The following TCEANC2 variants were observed in gnomAD, a reference collection of about 807,000 sequenced individuals.
TCEANC2 encodes transcription elongation factor A N-terminal and central domain-containing protein 2.
Under a neutral mutation model 22.8 loss-of-function variants are expected in TCEANC2, and 20 were observed. The observed-to-expected ratio is 0.88, with a 90% confidence interval of 0.62 to 1.28. The LOEUF (loss-of-function observed/expected upper bound fraction) is 1.28. TCEANC2 is among the 50% of genes most tolerant of loss of function. TCEANC2 has a pLI of 0.00. For synonymous variants in TCEANC2, 84 were observed against 95.5 expected, an observed-to-expected ratio of 0.88 and a Z score of 0.70; for missense variants, 251 against 249.7, an observed-to-expected ratio of 1.01 and a Z score of -0.03.
rs1216703226 is a variant in TCEANC2, at chr1:54,088,625, C to G, written c.273C>G (p.His91Gln). 6.2e-7 allele frequency: 1 copy of G among 1,604,346 alleles called. No individual in the cohort carries two copies. The highest frequency in any genetic ancestry group is 8.5e-7 in the Non-Finnish European group (1 of 1,177,368). Residue 91 changes from histidine to glutamine, a missense_variant, in exon 4 of 5, where the codon CAC becomes CAG. Physicochemically the swap from His to Gln is conservative, Grantham distance 24. Coordinates refer to ENST00000234827, the MANE Select transcript of TCEANC2 (RefSeq NM_153035.3). The part of the protein sequence containing the change: ...IGHTVNKMRK[H>Q]SDSEVASLAR... The stretch of plus-strand genomic sequence containing the variant: ...ACACTGTGAACAAGATGCGTAAACA[C>G]TCAGATTCAGAAGTGGCTTCTCTTG...
At chr1:54,075,085 T>C (rs1460654549) in intron 3 of TCEANC2, among the ~76,000 whole-genome samples, 1 of 152,234 alleles carries the variant, frequency 6.6e-6, no homozygotes, top group Non-Finnish European at 1.5e-5. Context: ...TCATTTGATC[T>C]GTGTTTTATA....
intron 4 of TCEANC2, among the ~76,000 whole-genome samples, chr1:54,093,493 A>G (rs1368113513): frequency 6.6e-6 from 1 of 152,164 alleles, no homozygotes; most frequent in Non-Finnish European, 1.5e-5. Context: ...TCTTCATTTA[A>G]CAAGAGGCAT....
chr1:54,084,084 C>T (rs891629790), intron 3 of TCEANC2, among the ~76,000 whole-genome samples: 3 of 151,672 alleles, frequency 2.0e-5, no homozygotes, highest in African/African-American at 7.3e-5. Context: ...GTGATCTTGG[C>T]TCACTGCAAC....
At chr1:54,088,305 A>AT (rs944591346) in intron 3 of TCEANC2, among the ~76,000 whole-genome samples, 11 of 151,920 alleles carry the variant, frequency 7.2e-5, no homozygotes, top group Admixed American at 4.6e-4. Flanking sequence ...TGCTTAATTC[A>AT]TTTTTTTTAA....
intron 2 of TCEANC2, among the ~76,000 whole-genome samples, chr1:54,061,527 T>A (rs573311325): frequency 1.1e-4 from 17 of 152,318 alleles, no homozygotes; most frequent in Admixed American, 3.3e-4. Context: ...ATTTTTATGG[T>A]CCAGGCATTG....
rs1190699853 is a variant in TCEANC2, at chr1:54,102,138, C to T, written c.*5665C>T. On this transcript the variant is annotated 3_prime_UTR_variant, in exon 5 of 5. Coordinates refer to ENST00000234827, the MANE Select transcript of TCEANC2 (RefSeq NM_153035.3). ...CCCACACCTAGGAATATGCTCCATC[C>T]ATGTACCGGATGACACAGAAAGTTG... 1 of 152,204 alleles carries T rather than the reference C, an allele frequency of 6.6e-6. No individual in the cohort carries two copies. The highest frequency in any genetic ancestry group is 1.5e-5 in the Non-Finnish European group (1 of 68,052). The allele number at this position is 152,204 out of a possible 1,614,324, so 9.4% of individuals were successfully genotyped here.
intron 3 of TCEANC2, among the ~76,000 whole-genome samples, chr1:54,084,367 A>G (rs1658299413): frequency 6.6e-6 from 1 of 152,182 alleles, no homozygotes; most frequent in South Asian, 2.1e-4. Flanking sequence ...ACTATAATTT[A>G]TTTAAAAAAC....
chr1:54,064,040 T>A (rs999429916), intron 2 of TCEANC2, among the ~76,000 whole-genome samples: 18 of 152,252 alleles, frequency 1.2e-4, no homozygotes. Flanking sequence ...AAGGCAAATG[T>A]GAGATTTCTC....
chr1:54,091,461 T>A (rs1658445634), intron 4 of TCEANC2, among the ~76,000 whole-genome samples: 2 of 152,202 alleles, frequency 1.3e-5, no homozygotes, highest in African/African-American at 4.8e-5. Flanking sequence ...GCCTCTACAA[T>A]TTGATCCTAG....
In TCEANC2 at chr1:54,104,587, G is replaced by T. The variant is rs1292064513; in HGVS notation, c.*8114G>T. The T allele has an allele frequency of 2.2e-6, 1 of 454,458 alleles. No homozygotes were observed. The highest frequency in any genetic ancestry group is 4.4e-6 in the Non-Finnish European group (1 of 225,722). 28.2% of individuals were successfully genotyped at this position (454,458 alleles called of 1,614,324 possible). On this transcript the variant is annotated 3_prime_UTR_variant, in exon 5 of 5. Coordinates refer to ENST00000234827, the MANE Select transcript of TCEANC2 (RefSeq NM_153035.3). Reference sequence around the variant, plus strand: ...CAGAGGTGGAGTCTCTGTCACCCAGGCTGGAGTGCAGTGGCACCATCTCGG... The same window carrying T: ...CAGAGGTGGAGTCTCTGTCACCCAGTCTGGAGTGCAGTGGCACCATCTCGG...
chr1:54,056,150 T>G (rs1657748130), intron 2 of TCEANC2, among the ~76,000 whole-genome samples: 1 of 152,204 alleles, frequency 6.6e-6, no homozygotes. Flanking sequence ...GGTTTTCAAC[T>G]GTCTCTACCT....
rs571012352 is a variant in TCEANC2, at chr1:54,098,601, A to C, written c.*2128A>C. ...TCCCCACTCCCAGAATGTAAGCTTC[A>C]TGAAAGCAGAGTCTCTGTTCTGTTC... On this transcript the variant is annotated 3_prime_UTR_variant, in exon 5 of 5. Coordinates refer to ENST00000234827, the MANE Select transcript of TCEANC2 (RefSeq NM_153035.3). 2.0e-5 allele frequency: 3 copies of C among 152,352 alleles called. No individual in the cohort carries two copies. Among genetic ancestry groups the C allele is most frequent in the African/African-American group, 7.2e-5 (3 of 41,562 alleles). The allele number at this position is 152,352 out of a possible 1,614,324, so 9.4% of individuals were successfully genotyped here.
downstream of TCEANC2, among the ~76,000 whole-genome samples, chr1:54,109,571 AG>A (rs1658809957): frequency 6.6e-6 from 1 of 152,218 alleles, no homozygotes; most frequent in Non-Finnish European, 1.5e-5. Flanking sequence ...ATAGCACATC[AG>A]GCATTTCGTT....
chr1:54,080,187 A>G (rs1300226323), intron 3 of TCEANC2, among the ~76,000 whole-genome samples: 3 of 149,438 alleles, frequency 2.0e-5, no homozygotes, highest in African/African-American at 7.4e-5. Flanking sequence ...TCTGTCAGAC[A>G]GGCTGGAGTC....
chr1:54,065,435 A>T (rs1399688340), intron 2 of TCEANC2, among the ~76,000 whole-genome samples: 1 of 152,190 alleles, frequency 6.6e-6, no homozygotes, highest in Non-Finnish European at 1.5e-5. Context: ...TTGTAAGGGT[A>T]GGTTGAGCAT....
chr1:54,084,550 A>G (rs1158726875), intron 3 of TCEANC2, among the ~76,000 whole-genome samples: 1 of 152,028 alleles, frequency 6.6e-6, no homozygotes, highest in African/African-American at 2.4e-5. Context: ...ACCAGGCATA[A>G]GGTAAATGCC....
chr1:54,067,986 A>T (rs1657988132), intron 2 of TCEANC2, among the ~76,000 whole-genome samples: 2 of 152,334 alleles, frequency 1.3e-5, no homozygotes, highest in East Asian at 3.9e-4. Context: ...TTAAAAAATT[A>T]TTAGTGGAAT....
In TCEANC2 at chr1:54,102,237, G is replaced by A. The variant is rs1386742547; in HGVS notation, c.*5764G>A. The A allele has an allele frequency of 2.0e-5, 3 of 152,250 alleles. No individual in the cohort carries two copies. Among genetic ancestry groups the A allele is most frequent in the South Asian group, 2.1e-4 (1 of 4,830 alleles). The allele number at this position is 152,250 out of a possible 1,614,324, so 9.4% of individuals were successfully genotyped here. On this transcript the variant is annotated 3_prime_UTR_variant, in exon 5 of 5. Transcript: ENST00000234827. ...GCTACAACACAAGTGGCCATGCGGT[G>A]TGGGACAGATGAGCTGGCAGAGCCC...
At chr1:54,068,947 C>A in intron 3 of TCEANC2, 50 bp downstream of exon 3, 1 of 1,439,260 alleles carries the variant, frequency 6.9e-7, no homozygotes, top group South Asian at 1.7e-5. Flanking sequence ...ATTTTGTCTC[C>A]CTTCTTCTTT....
Sources: gnomAD v4.1 joint callset for allele counts (sites outside exome capture counted in the v4.1 genomes callset) on GRCh38, gnomAD v4.1.1 for gene constraint, MANE v1.5 for transcripts, NCBI Gene and HGNC (gene_info 2026-07-23, HGNC 2026-07-21) for gene names.